Variants in XRCC6 observed in about 807,000 individuals in gnomAD.
XRCC6 encodes DNA repair protein Ku70.
XRCC6 carries 5 observed loss-of-function variants against 65.7 expected under a neutral mutation model. The ratio of observed to expected loss-of-function variants is 0.08; its 90% confidence interval spans 0.04 to 0.16. The LOEUF is 0.16. XRCC6 is among the 10% of genes least tolerant of loss of function. The pLI is 1.00. For missense variants in XRCC6, 447 were observed against 738.1 expected (o/e 0.61, Z 4.57); for synonymous variants, 270 against 270.6 (o/e 1.00, Z 0.02).
At chr22:41,655,758 C>G (rs978584832) in intron 9 of XRCC6, among the ~76,000 whole-genome samples, 4 of 150,954 alleles carry the variant, frequency 2.6e-5, no homozygotes, top group African/African-American at 9.7e-5. Flanking sequence ...GAGACAAGGT[C>G]TCACTATGTT....
chr22:41,627,605 G>T (rs1035028516), intron 2 of XRCC6, among the ~76,000 whole-genome samples: 3 of 80,782 alleles, frequency 3.7e-5, no homozygotes, highest in African/African-American at 5.5e-5. Context: ...GCGAGACTCC[G>T]TCTCAAAAAA....
At chr22:41,622,515 C>T (rs1331285611) in intron 2 of XRCC6, among the ~76,000 whole-genome samples, 1 of 152,124 alleles carries the variant, frequency 6.6e-6, no homozygotes, top group Non-Finnish European at 1.5e-5. Context: ...CTCACTATAG[C>T]CTCCACGTTT....
chr22:41,663,980 C>A lies in XRCC6; in HGVS notation c.*165C>A, dbSNP rs2068124403. 5 of 738,964 alleles carry A rather than the reference C, an allele frequency of 6.8e-6. No homozygotes were observed. The highest frequency in any genetic ancestry group is 1.1e-5 in the Non-Finnish European group (5 of 456,312). The allele number at this position is 738,964 out of a possible 1,614,324, so 45.8% of individuals were successfully genotyped here. A position where few individuals can be genotyped will look rare whatever the true frequency, so the allele number is the denominator to read the frequency against. ...TTCTGTTGCCATGGTGATGGTGTAG[C>A]CCTCCCACTTTGCTGTTCCTTACTT... On this transcript the variant is annotated 3_prime_UTR_variant, in exon 13 of 13. Transcript: ENST00000360079.
intron 3 of XRCC6, among the ~76,000 whole-genome samples, chr22:41,630,073 T>A (rs2067723391): frequency 6.7e-6 from 1 of 148,294 alleles, no homozygotes; most frequent in African/African-American, 2.5e-5. Flanking sequence ...AACCTCTGAC[T>A]CCCTGGTTCA....
At chr22:41,628,965 C>CAAAAAAAAAAAAAAAAAAAAAAA (rs11413169) in intron 3 of XRCC6, among the ~76,000 whole-genome samples, 1 of 62,722 alleles carries the variant, frequency 1.6e-5, no homozygotes. Context: ...GACTCTGTCT[C>CAAAAAAAAAAAAAAAAAAAAAAA]AAAAAAAAAA....
chr22:41,623,601 A>T (rs2067635366), intron 2 of XRCC6, among the ~76,000 whole-genome samples: 1 of 151,976 alleles, frequency 6.6e-6, no homozygotes, highest in Non-Finnish European at 1.5e-5. Context: ...GTTAGCCAGG[A>T]TGGTCTTGAT....
At chr22:41,646,671 GTAGTACGTTCTTTATCA>G (rs1217817038) in intron 6 of XRCC6, among the ~76,000 whole-genome samples, 1 of 152,150 alleles carries the variant, frequency 6.6e-6, no homozygotes, top group Non-Finnish European at 1.5e-5. Flanking sequence ...TACGCAACCT[GTAGTACGTTCTTTATCA>G]TTGTTTTAAG....
At chr22:41,655,709 AAAAT>A (rs1464010438) in intron 9 of XRCC6, among the ~76,000 whole-genome samples, 1 of 134,806 alleles carries the variant, frequency 7.4e-6, no homozygotes, top group Non-Finnish European at 1.5e-5. Context: ...AAAAAAAAAA[AAAAT>A]AGTTTTTTCC....
At chr22:41,654,786 G>A (rs557439574) in intron 9 of XRCC6, among the ~76,000 whole-genome samples, 3 of 152,266 alleles carry the variant, frequency 2.0e-5, no homozygotes, top group Admixed American at 6.5e-5. Context: ...AGCTCTGGAT[G>A]TATCAAAAAA....
intron 3 of XRCC6, among the ~76,000 whole-genome samples, chr22:41,632,561 G>A (rs1347316303): frequency 6.6e-6 from 1 of 151,728 alleles, no homozygotes; most frequent in Non-Finnish European, 1.5e-5. Flanking sequence ...CAGTGAGCCA[G>A]GATCACGCCA....
In XRCC6 at chr22:41,637,501, T is replaced by A. The variant is rs1233000014; in HGVS notation, c.590-107T>A. 43 of 1,007,482 alleles carry A rather than the reference T, an allele frequency of 4.3e-5. 1 individual carries two copies. In the South Asian group the frequency reaches 7.2e-4, roughly 17 times the overall value. 62.4% of individuals were successfully genotyped at this position (1,007,482 alleles called of 1,614,324 possible). On this transcript the variant is annotated intron_variant, in intron 5 of 12. Transcript: ENST00000360079. Reference sequence around the variant, plus strand: ...CTAAGTCCTGAAAATGTTAATAGTCTAGTTTTCAGGGAGCTTTTAAAAGCA... The same window carrying A: ...CTAAGTCCTGAAAATGTTAATAGTCAAGTTTTCAGGGAGCTTTTAAAAGCA...
intron 6 of XRCC6, among the ~76,000 whole-genome samples, chr22:41,638,776 C>CAAA (rs56677816): frequency 0.011 from 748 of 65,252 alleles, 24 homozygotes; most frequent in African/African-American, 0.038. Context: ...GACTCCGCCT[C>CAAA]AAAAAAAAAA....
chr22:41,632,097 C>T (rs1008420899), intron 3 of XRCC6, among the ~76,000 whole-genome samples: 11 of 151,690 alleles, frequency 7.3e-5, no homozygotes, highest in East Asian at 3.9e-4. Context: ...AGCTTCGGCT[C>T]GGCATCAGAG....
At chr22:41,642,115 A>T (rs1182504376) in intron 6 of XRCC6, among the ~76,000 whole-genome samples, 1 of 152,128 alleles carries the variant, frequency 6.6e-6, no homozygotes, top group Non-Finnish European at 1.5e-5. Flanking sequence ...TTTGATGGAC[A>T]CTTAGGTCGC....
At chr22:41,662,220 G>C (rs2068106225) in intron 12 of XRCC6, among the ~76,000 whole-genome samples, 2 of 152,120 alleles carry the variant, frequency 1.3e-5, no homozygotes, top group African/African-American at 4.8e-5. Context: ...AATACAATTG[G>C]AATGTTTGTA....
chr22:41,651,523 T>A (rs112524491), intron 8 of XRCC6, among the ~76,000 whole-genome samples: 14 of 148,958 alleles, frequency 9.4e-5, no homozygotes, highest in African/African-American at 1.2e-4. Context: ...ATATATATAT[T>A]TTTTTAATTT....
At chr22:41,634,448 A>T (rs997024307) in intron 3 of XRCC6, among the ~76,000 whole-genome samples, 2 of 151,970 alleles carry the variant, frequency 1.3e-5, no homozygotes, top group South Asian at 2.1e-4. Context: ...GGCCTCCCAA[A>T]GTGCTGGGAT....
chr22:41,650,118 T>G (rs132781), intron 7 of XRCC6, among the ~76,000 whole-genome samples: 126,636 of 151,392 alleles, frequency 0.84, 53,908 homozygotes, highest in African/African-American at 0.95. Flanking sequence ...TCTTTTTTTG[T>G]GTTGGGGGGA....
chr22:41,649,140 ATATAT>A (rs1346268425), intron 7 of XRCC6, among the ~76,000 whole-genome samples: 13 of 92,794 alleles, frequency 1.4e-4, no homozygotes, highest in African/African-American at 6.9e-4. Flanking sequence ...AAAAAAAAAA[ATATAT>A]ATATATATAT....
Sources: gnomAD v4.1 joint callset for allele counts (sites outside exome capture counted in the v4.1 genomes callset) on GRCh38, gnomAD v4.1.1 for gene constraint, MANE v1.5 for transcripts, NCBI Gene and HGNC (gene_info 2026-07-23, HGNC 2026-07-21) for gene names.